The following BAHD1 variants were observed in gnomAD, a reference collection of about 807,000 sequenced individuals.
BAHD1 encodes bromo adjacent homology domain containing 1.
Under a neutral mutation model 63.1 loss-of-function variants are expected in BAHD1, and 20 were observed. That is an observed-to-expected ratio of 0.32 (90% CI 0.22 to 0.46). The LOEUF (loss-of-function observed/expected upper bound fraction) is 0.46, where lower values mean the gene tolerates loss of function less well. Ranked by LOEUF, BAHD1 falls within the 20% of genes least tolerant of loss-of-function variation. The pLI is 1.00. For missense variants in BAHD1, 939 were observed against 1,071.8 expected (o/e 0.88, Z 1.73); for synonymous variants, 408 against 426.8 (o/e 0.96, Z 0.54).
At chr15:40,448,838 T>C (rs1893622145) in intron 1 of BAHD1, among the ~76,000 whole-genome samples, 1 of 25,350 alleles carries the variant, frequency 3.9e-5, no homozygotes, top group Non-Finnish European at 6.6e-5. Context: ...TTTTAACTCT[T>C]TTTTTTTTTT....
chr15:40,438,641 C>A (rs1158034014), upstream of BAHD1, among the ~76,000 whole-genome samples: 5 of 152,112 alleles, frequency 3.3e-5, no homozygotes, highest in Non-Finnish European at 5.9e-5. Context: ...CCCACTGAGA[C>A]CCCAGATAAG....
rs372856813 is a variant in BAHD1, at chr15:40,466,051, A to C, written c.2264A>C (p.Asp755Ala). 1 of 1,613,978 alleles carries C rather than the reference A, an allele frequency of 6.2e-7. No individual in the cohort carries two copies. The highest frequency in any genetic ancestry group is 1.3e-5 in the African/African-American group (1 of 74,928). The change falls in exon 7 of 7, where the codon GAC becomes GCC. Residue 755 changes from aspartate (D) to alanine (A), a missense_variant. Transcript: ENST00000416165. ...CCACCCCACCGCACAGTGCCAGAGGACACGGACCCTGAGCTGGTGTTCCTT... is the reference window on the plus strand; with the variant it reads ...CCACCCCACCGCACAGTGCCAGAGGCCACGGACCCTGAGCTGGTGTTCCTT... ...STPPHRTVPE[D>A]TDPELVFLCR... is the part of the protein sequence containing the mutation.
intron 2 of BAHD1, among the ~76,000 whole-genome samples, chr15:40,461,242 C>T (rs1048401947): frequency 2.0e-5 from 3 of 152,160 alleles, no homozygotes; most frequent in East Asian, 3.8e-4. Context: ...GCCAGTTGCT[C>T]TGAGGGGCAG....
rs972930077 is a variant in BAHD1 at position 40,459,689 on chromosome 15, G to A, written c.1225G>A (p.Ala409Thr). ...LPEGKLSPVA[A>T]PHEEGLLLAP... ...TGAGGGCAAGCTGTCCCCAGTGGCT[G>A]CACCTCACGAGGAGGGGCTCCTCTT... Residue 409 changes from alanine to threonine, a missense_variant, in exon 2 of 7, where the codon GCA becomes ACA. This residue lies in a region of BAHD1 where 797 missense variants were observed against 813.3 expected (regional missense o/e 0.98). Transcript: ENST00000416165. 2.5e-6 allele frequency: 4 copies of A among 1,614,010 alleles called. No individual in the cohort carries two copies. In the African/African-American group the frequency reaches 4.0e-5, roughly 16 times the overall value.
chr15:40,459,138 T>C lies in BAHD1; in HGVS notation c.674T>C (p.Leu225Pro). The C allele has an allele frequency of 1.5e-5, 25 of 1,613,154 alleles. No homozygotes were observed. Among genetic ancestry groups the C allele is most frequent in the Non-Finnish European group, 2.1e-5 (25 of 1,179,966 alleles). Residue 225 changes from leucine (L) to proline (P), a missense_variant, in exon 2 of 7, where the codon CTG becomes CCG. This residue lies in a region of BAHD1 where 797 missense variants were observed against 813.3 expected (regional missense o/e 0.98). Transcript: ENST00000416165. ...LSQERELPLR[L>P]PRAHAEVDGR... ...CAGGAGCGGGAGCTACCCCTGCGGC[T>C]GCCTCGTGCCCATGCAGAAGTAGAT... is the stretch of plus-strand genomic sequence containing the variant.
chr15:40,438,182 A>G (rs1893316165), upstream of BAHD1, among the ~76,000 whole-genome samples: 1 of 125,794 alleles, frequency 7.9e-6, no homozygotes, highest in South Asian at 3.5e-4. Context: ...GGCAGCATTC[A>G]CTCAGGAAAG....
Position 40,467,159 on chromosome 15 carries a change from G to A in BAHD1, c.*1029G>A, listed in dbSNP as rs1378929865. On this transcript the variant is annotated 3_prime_UTR_variant, in exon 7 of 7. Coordinates refer to ENST00000416165, the MANE Select transcript of BAHD1 (RefSeq NM_014952.5). ...CTGTATCAGTCCACGGACCTGCTGAGCTGCAGCCACTTGCTCTAGGAGCTA... is the reference window on the plus strand; with the variant it reads ...CTGTATCAGTCCACGGACCTGCTGAACTGCAGCCACTTGCTCTAGGAGCTA... 2.0e-5 allele frequency: 3 copies of A among 152,726 alleles called. No individual in the cohort carries two copies. The highest frequency in any genetic ancestry group is 7.2e-5 in the African/African-American group (3 of 41,464). The allele number at this position is 152,726 out of a possible 1,614,324, so 9.5% of individuals were successfully genotyped here. A position where few individuals can be genotyped will look rare whatever the true frequency, so the allele number is the denominator to read the frequency against.
Position 40,463,446 on chromosome 15 carries a change from A to C in BAHD1, c.1816-415A>C, listed in dbSNP as rs114587336. Among the ~76,000 whole-genome samples, 1,023 of 152,332 alleles carry C rather than the reference A, an allele frequency of 6.7e-3. 11 individuals are homozygous for C. The highest frequency in any genetic ancestry group is 0.023 in the African/African-American group (976 of 41,578). ...GTATATATCCCATCTTCCTATAATTAATCCCATTTTACAGATGTGGAAGCT... is the reference window on the plus strand; with the variant it reads ...GTATATATCCCATCTTCCTATAATTCATCCCATTTTACAGATGTGGAAGCT... On this transcript the variant is annotated intron_variant, in intron 3 of 6. Coordinates refer to ENST00000416165, the MANE Select transcript of BAHD1 (RefSeq NM_014952.5).
chr15:40,455,556 T>C (rs954523114), intron 1 of BAHD1, among the ~76,000 whole-genome samples: 1 of 152,214 alleles, frequency 6.6e-6, no homozygotes, highest in African/African-American at 2.4e-5. Context: ...CCCAGCCAGC[T>C]GGAGGTCAGG....
chr15:40,445,267 A>AAAC (rs1893506445), intron 1 of BAHD1, among the ~76,000 whole-genome samples: 1 of 151,450 alleles, frequency 6.6e-6, no homozygotes, highest in Non-Finnish European at 1.5e-5. Flanking sequence ...AAAAAAAAAA[A>AAAC]AAAAAAAAAC....
upstream of BAHD1, among the ~76,000 whole-genome samples, chr15:40,437,623 G>T (rs1893300285): frequency 6.6e-6 from 1 of 152,210 alleles, no homozygotes; most frequent in South Asian, 2.1e-4. Flanking sequence ...GTGCTCTGGG[G>T]GTTGGGACAG....
rs2141539895 is a variant in BAHD1 at position 40,461,956 on chromosome 15, G to T, written c.1477G>T (p.Ala493Ser). The T allele has an allele frequency of 6.2e-7, 1 of 1,610,276 alleles. No homozygotes were observed. Among genetic ancestry groups the T allele is most frequent in the African/African-American group, 1.3e-5 (1 of 74,970 alleles). The change falls in exon 3 of 7, where the codon GCT (alanine) becomes TCT (serine). Residue 493 changes from alanine to serine, a missense_variant. By Grantham distance (99) the Ala-to-Ser change is moderately conservative. Transcript: ENST00000416165. ...CCAGTTGGAATTTCCTCTCCCGGAA[G>T]CTGGCCACCCAGCCTCACCCGCCCA... is the stretch of plus-strand genomic sequence containing the variant. ...LGQLEFPLPE[A>S]GHPASPAHPL...
chr15:40,450,593 G>A (rs1893671084), intron 1 of BAHD1, among the ~76,000 whole-genome samples: 2 of 152,094 alleles, frequency 1.3e-5, no homozygotes, highest in Non-Finnish European at 2.9e-5. Context: ...CTGAGCTTTG[G>A]GGTGCCCTGT....
At chr15:40,437,499 C>A (rs534955151), upstream of BAHD1, among the ~76,000 whole-genome samples, 3 of 152,306 alleles carry the variant, frequency 2.0e-5, no homozygotes, top group Admixed American at 1.3e-4. Flanking sequence ...GTGCTGCTGC[C>A]GCATTTAATT....
intron 1 of BAHD1, among the ~76,000 whole-genome samples, chr15:40,451,862 C>A (rs1353643133): frequency 3.3e-5 from 5 of 152,184 alleles, no homozygotes; most frequent in Non-Finnish European, 5.9e-5. Flanking sequence ...AGGCACGTTG[C>A]CTAAAGTAGG....
intron 1 of BAHD1, among the ~76,000 whole-genome samples, chr15:40,441,723 C>A (rs1161594617): frequency 6.7e-6 from 1 of 149,336 alleles, no homozygotes; most frequent in South Asian, 2.1e-4. Flanking sequence ...AGGCCCCCGC[C>A]GCGCCCCCTC....
At chr15:40,450,241 G>C (rs781505202) in intron 1 of BAHD1, among the ~76,000 whole-genome samples, 12 of 152,204 alleles carry the variant, frequency 7.9e-5, no homozygotes, top group Admixed American at 2.6e-4. Context: ...TTGCGATTCT[G>C]CTCCTGCTAG....
At chr15:40,464,206 T>A in intron 4 of BAHD1, 186 bp downstream of exon 4, 1 of 746,048 alleles carries the variant, frequency 1.3e-6, no homozygotes, top group Non-Finnish European at 2.1e-6. Context: ...GTGGCTTGGG[T>A]TGGATCAGCT....
Position 40,458,421 on chromosome 15 carries a change from T to G in BAHD1, c.-14-30T>G. The G allele has an allele frequency of 6.5e-7, 1 of 1,527,116 alleles. No homozygotes were observed. The allele number at this position is 1,527,116 out of a possible 1,614,324, so 94.6% of individuals were successfully genotyped here. ...CAGGCAGGAGCAGGCCAGAGAGGGC[T>G]TCTCTCATTGCCCACCTTCTGTCCT... On this transcript the variant is annotated intron_variant, in intron 1 of 6. Coordinates refer to ENST00000416165, the MANE Select transcript of BAHD1 (RefSeq NM_014952.5). This position sits in a 1 kb window ranked among gnomAD's most constrained non-coding sequence, Gnocchi z 4.7.
Sources: gnomAD v4.1 joint callset for allele counts (sites outside exome capture counted in the v4.1 genomes callset) on GRCh38, gnomAD v4.1.1 for gene constraint, gnomAD v4.1.1 regional missense constraint, Gnocchi (gnomAD v3.1) non-coding constraint, MANE v1.5 for transcripts, NCBI Gene and HGNC (gene_info 2026-07-23, HGNC 2026-07-21) for gene names.